Variants in XKR4 observed in about 807,000 individuals in gnomAD.
XKR4 encodes XK related 4, also known as XK-related protein 4.
A neutral mutation model predicts 53.9 loss-of-function variants in XKR4; 12 were observed. That is an observed-to-expected ratio of 0.22 (90% CI 0.14 to 0.36). The LOEUF (loss-of-function observed/expected upper bound fraction) is 0.36. XKR4 is among the 10% of genes least tolerant of loss of function. The pLI is 1.00. For missense variants in XKR4, 799 were observed against 859.5 expected, an observed-to-expected ratio of 0.93 and a Z score of 0.88; for synonymous variants, 354 against 362.4, an observed-to-expected ratio of 0.98 and a Z score of 0.26.
intron 1 of XKR4, among the ~76,000 whole-genome samples, chr8:55,271,115 T>G (rs1818684852): frequency 6.6e-6 from 1 of 152,060 alleles, no homozygotes; most frequent in Non-Finnish European, 1.5e-5. Flanking sequence ...ATGACCATCT[T>G]CCCCATCATT....
chr8:55,207,693 A>T (rs1817669797), intron 1 of XKR4, among the ~76,000 whole-genome samples: 1 of 147,554 alleles, frequency 6.8e-6, no homozygotes, highest in African/African-American at 2.5e-5. Flanking sequence ...AATTTTAGTA[A>T]ATGGGACACC....
At chr8:55,234,835 G>T (rs993027683) in intron 1 of XKR4, among the ~76,000 whole-genome samples, 6 of 152,122 alleles carry the variant, frequency 3.9e-5, no homozygotes, top group African/African-American at 1.4e-4. Flanking sequence ...AGGACATAGC[G>T]CAGACCCCTA....
rs972423055 is a variant in XKR4, at chr8:55,102,685, G to A, written c.197G>A (p.Cys66Tyr). The change falls in exon 1 of 3, where the codon TGC becomes TAC. Residue 66 changes from cysteine (C) to tyrosine (Y), a missense_variant. Physicochemically the swap from Cys to Tyr is radical, Grantham distance 194. Transcript: ENST00000327381. This position sits in a 1 kb window ranked among gnomAD's most constrained non-coding sequence, Gnocchi z 5.1. ...GGCGGCGGCTGCTCGCGCTGCTGCTGCTGCTGCGCCGGGAGTGGCGGCTCC... is the reference window on the plus strand; with the variant it reads ...GGCGGCGGCTGCTCGCGCTGCTGCTACTGCTGCGCCGGGAGTGGCGGCTCC... ...PDGGGCSRCC[C>Y]CCAGSGGSAG... 2 of 1,197,022 alleles carry A rather than the reference G, an allele frequency of 1.7e-6. No individual in the cohort carries two copies. Among genetic ancestry groups the A allele is most frequent in the East Asian group, 7.1e-5 (2 of 28,160 alleles). 74.2% of individuals were successfully genotyped at this position (1,197,022 alleles called of 1,614,324 possible).
intron 1 of XKR4, among the ~76,000 whole-genome samples, chr8:55,161,999 T>C (rs1462152463): frequency 5.3e-5 from 8 of 152,218 alleles, no homozygotes; most frequent in South Asian, 2.1e-4. Context: ...AGGCTTTAGA[T>C]AGAAGTGTAT....
chr8:55,354,140 G>A (rs1803765517), intron 1 of XKR4, among the ~76,000 whole-genome samples: 1 of 152,144 alleles, frequency 6.6e-6, no homozygotes, highest in Admixed American at 6.5e-5. Context: ...GAGCCAATGT[G>A]ATATCAAAAC....
chr8:55,141,671 C>G (rs11996167), intron 1 of XKR4, among the ~76,000 whole-genome samples: 1,973 of 135,232 alleles, frequency 0.015, 52 homozygotes, highest in African/African-American at 0.048. Flanking sequence ...CTCTCTCTCT[C>G]TGTGTGTGTG....
intron 1 of XKR4, among the ~76,000 whole-genome samples, chr8:55,282,714 G>T (rs1262362180): frequency 1.3e-5 from 2 of 152,122 alleles, no homozygotes; most frequent in African/African-American, 4.8e-5. Context: ...GAGATTTGGA[G>T]GGAATGAATA....
chr8:55,238,510 A>G (rs1400022493), intron 1 of XKR4, among the ~76,000 whole-genome samples: 1 of 152,162 alleles, frequency 6.6e-6, no homozygotes, highest in Admixed American at 6.5e-5. Flanking sequence ...AGGGTCACCT[A>G]TATATGCCAG....
intron 1 of XKR4, among the ~76,000 whole-genome samples, chr8:55,205,280 T>C (rs1422322233): frequency 6.6e-6 from 1 of 152,386 alleles, no homozygotes; most frequent in Non-Finnish European, 1.5e-5. Context: ...ATGCACATTG[T>C]ACTTTCTGAC....
chr8:55,493,191 G>A (rs751429814), intron 2 of XKR4, among the ~76,000 whole-genome samples: 5 of 152,158 alleles, frequency 3.3e-5, no homozygotes, highest in East Asian at 1.9e-4. Context: ...GGAGCTAAAG[G>A]AGCAAAAATT....
At chr8:55,227,738 G>C (rs2129366392) in intron 1 of XKR4, among the ~76,000 whole-genome samples, 1 of 152,308 alleles carries the variant, frequency 6.6e-6, no homozygotes, top group Non-Finnish European at 1.5e-5. Flanking sequence ...CAAGTGCTGA[G>C]AGCACAGATC....
Position 55,541,749 on chromosome 8 carries a change from C to T in XKR4, c.*17522C>T, listed in dbSNP as rs972123211. 6.6e-6 allele frequency: 1 copy of T among 152,146 alleles called. No homozygotes were observed. Among genetic ancestry groups the T allele is most frequent in the African/African-American group, 2.4e-5 (1 of 41,426 alleles). The allele number at this position is 152,146 out of a possible 1,614,324, so 9.4% of individuals were successfully genotyped here. A position where few individuals can be genotyped will look rare whatever the true frequency, so the allele number is the denominator to read the frequency against. On this transcript the variant is annotated 3_prime_UTR_variant, in exon 3 of 3. Transcript: ENST00000327381. Reference sequence around the variant, plus strand: ...CTTAAACTAGTTATTAAATTTGTTTCCTTCCTGTAAATATATATATTCAAA... The same window carrying T: ...CTTAAACTAGTTATTAAATTTGTTTTCTTCCTGTAAATATATATATTCAAA...
intron 2 of XKR4, among the ~76,000 whole-genome samples, chr8:55,476,692 C>A (rs1805991731): frequency 6.6e-6 from 1 of 152,074 alleles, no homozygotes; most frequent in Non-Finnish European, 1.5e-5. Flanking sequence ...CACTCCCACC[C>A]TAATACTGCG....
intron 1 of XKR4, among the ~76,000 whole-genome samples, chr8:55,131,418 A>G (rs916095793): frequency 2.6e-5 from 4 of 152,214 alleles, no homozygotes; most frequent in African/African-American, 9.6e-5. Context: ...TGAAGTGGAA[A>G]CATTTCTATG....
At chr8:55,516,064 G>C (rs187893798) in intron 2 of XKR4, among the ~76,000 whole-genome samples, 2 of 152,276 alleles carry the variant, frequency 1.3e-5, no homozygotes, top group East Asian at 1.9e-4. Flanking sequence ...CTGTTTGCCT[G>C]TTTGCAAAAA....
chr8:55,247,855 C>CTTTCTTTCTTTCTTTCTTTCTTTCTTT (rs369983175), intron 1 of XKR4, among the ~76,000 whole-genome samples: 10 of 59,890 alleles, frequency 1.7e-4, no homozygotes, highest in Non-Finnish European at 3.2e-4. Context: ...TTCTTTCTTT[C>CTTTCTTTCTTTCTTTCTTTCTTTCTTT]TTTTTTTTTT....
chr8:55,506,851 T>C (rs1806532352), intron 2 of XKR4, among the ~76,000 whole-genome samples: 1 of 152,376 alleles, frequency 6.6e-6, no homozygotes, highest in African/African-American at 2.4e-5. Flanking sequence ...GCAGTGACTA[T>C]GCTGGTTCAC....
At chr8:55,204,965 CCTGGCT>C (rs1184223803) in intron 1 of XKR4, among the ~76,000 whole-genome samples, 1 of 152,168 alleles carries the variant, frequency 6.6e-6, no homozygotes, top group Non-Finnish European at 1.5e-5. Flanking sequence ...GCCCTTGGTG[CCTGGCT>C]AGGCACTGAC....
intron 1 of XKR4, among the ~76,000 whole-genome samples, chr8:55,215,871 G>T (rs1301219540): frequency 1.3e-5 from 2 of 152,102 alleles, no homozygotes; most frequent in Non-Finnish European, 2.9e-5. Context: ...TTTGTTTTGA[G>T]GTATTGAATG....
Sources: gnomAD v4.1 joint callset for allele counts (sites outside exome capture counted in the v4.1 genomes callset) on GRCh38, gnomAD v4.1.1 for gene constraint, Gnocchi (gnomAD v3.1) non-coding constraint, MANE v1.5 for transcripts, NCBI Gene and HGNC (gene_info 2026-07-23, HGNC 2026-07-21) for gene names.